Variants in MAP4K4 observed in about 807,000 individuals in gnomAD.
MAP4K4 encodes the protein mitogen-activated protein kinase kinase kinase kinase 4, also known as HPK/GCK-like kinase HGK.
MAP4K4 carries 38 observed loss-of-function variants against 189.6 expected under a neutral mutation model. The ratio of observed to expected loss-of-function variants is 0.20; its 90% confidence interval spans 0.15 to 0.26. The LOEUF (loss-of-function observed/expected upper bound fraction) is 0.26. Among genes scored for constraint, MAP4K4 ranks in the 10% least tolerant of loss-of-function variants. The pLI, the probability that MAP4K4 is intolerant of heterozygous loss-of-function variation, is 1.00. For missense variants in MAP4K4, 1,054 were observed against 1,726.9 expected (o/e 0.61, Z 6.91); for synonymous variants, 610 against 624.3 (o/e 0.98, Z 0.34).
Position 101,804,347 on chromosome 2 carries a change from A to C in MAP4K4, c.180+13571A>C, listed in dbSNP as rs570450366. On this transcript the variant is annotated intron_variant, in intron 3 of 32. Coordinates refer to ENST00000324219, the Ensembl canonical transcript of MAP4K4. Reference sequence around the variant, plus strand: ...TTTTAGGTGATGTTTAGAACTATGAAAATGATTTCATGGTGGGGTGAAAGA... The same window carrying C: ...TTTTAGGTGATGTTTAGAACTATGACAATGATTTCATGGTGGGGTGAAAGA... Among the ~76,000 whole-genome samples, 7 of 152,274 alleles carry C rather than the reference A, an allele frequency of 4.6e-5. No homozygotes were observed. The East Asian group carries it at 1.2e-3, about 25-fold the overall frequency.
At chr2:101,821,452 G>A (rs577278567) in intron 3 of MAP4K4, among the ~76,000 whole-genome samples, 21 of 152,256 alleles carry the variant, frequency 1.4e-4, no homozygotes, top group African/African-American at 5.1e-4. Flanking sequence ...TGTACAATAT[G>A]CTACTGTACT....
intron 3 of MAP4K4, among the ~76,000 whole-genome samples, chr2:101,803,378 A>G (rs2094580282): frequency 6.6e-6 from 1 of 152,250 alleles, no homozygotes; most frequent in East Asian, 1.9e-4. Context: ...TTAATTGTAT[A>G]GTGACATGCC....
At chr2:101,769,920 G>A (rs1454924157) in intron 2 of MAP4K4, among the ~76,000 whole-genome samples, 1 of 152,112 alleles carries the variant, frequency 6.6e-6, no homozygotes, top group Admixed American at 6.5e-5. Context: ...CCATTTGTTG[G>A]GGATTATGTA....
intron 2 of MAP4K4, among the ~76,000 whole-genome samples, chr2:101,717,637 C>G (rs1248884955): frequency 6.6e-6 from 1 of 152,176 alleles, no homozygotes. Flanking sequence ...GCACATGGGA[C>G]TGTCTGTGGT....
At chr2:101,782,440 T>A (rs565935846) in intron 2 of MAP4K4, among the ~76,000 whole-genome samples, 1 of 152,350 alleles carries the variant, frequency 6.6e-6, no homozygotes, top group African/African-American at 2.4e-5. Context: ...AGCACTGTCT[T>A]ATTAATTGGA....
At chr2:101,782,209 C>T (rs904073353) in intron 2 of MAP4K4, among the ~76,000 whole-genome samples, 4 of 152,302 alleles carry the variant, frequency 2.6e-5, no homozygotes, top group African/African-American at 7.2e-5. Flanking sequence ...TATCTGCTAA[C>T]GCAGCTATGC....
intron 2 of MAP4K4, 145 bp from the exon 3 acceptor site, chr2:101,790,575 G>A: frequency 1.5e-6 from 1 of 650,128 alleles, no homozygotes. Flanking sequence ...GTATTGGAGA[G>A]CACAGGACTA....
At position 101,859,632 on chromosome 2, in the gene MAP4K4, C is replaced by T. The variant is rs749788246; in HGVS notation, c.1483-11C>T. 2 of 1,586,370 alleles carry T rather than the reference C, an allele frequency of 1.3e-6. No homozygotes were observed. Among genetic ancestry groups the T allele is most frequent in the Non-Finnish European group, 1.7e-6 (2 of 1,163,296 alleles). On this transcript the variant is annotated splice_polypyrimidine_tract_variant and intron_variant, in intron 14 of 32. Coordinates refer to ENST00000324219, the Ensembl canonical transcript of MAP4K4. ...TCCCATAGATTTAGTGTTATCCTCT[C>T]CCTCTCCAAGGAGTGCCGATGGCGG...
intron 2 of MAP4K4, among the ~76,000 whole-genome samples, chr2:101,719,009 C>T (rs1409365755): frequency 6.6e-6 from 1 of 152,116 alleles, no homozygotes; most frequent in African/African-American, 2.4e-5. Flanking sequence ...ACATTCAAAT[C>T]AATGATTTTG....
exon 15 of MAP4K4, chr2:101,859,676 C>A (rs1159749928): frequency 6.2e-7 from 1 of 1,611,478 alleles, no homozygotes; most frequent in Non-Finnish European, 8.5e-7. Flanking sequence ...GGAGCACCGG[C>A]AGGCAGAGAG....
chr2:101,740,151 C>CTTTT (rs71250687), intron 2 of MAP4K4, among the ~76,000 whole-genome samples: 1,622 of 87,156 alleles, frequency 0.019, 307 homozygotes, highest in African/African-American at 0.083. Context: ...TTTATATCAT[C>CTTTT]TTTTTTTTTT....
rs553551233 is a variant in MAP4K4, at chr2:101,867,806, G to T, written c.2455-223G>T. 1,180 of 518,380 alleles carry T rather than the reference G, an allele frequency of 2.3e-3. 4 individuals are homozygous for T. Among genetic ancestry groups the T allele is most frequent in the Non-Finnish European group, 3.0e-3 (864 of 292,794 alleles). 32.1% of individuals were successfully genotyped at this position (518,380 alleles called of 1,614,324 possible). A position where few individuals can be genotyped will look rare whatever the true frequency, so the allele number is the denominator to read the frequency against. ...CTGCTTTTTGGTACCTGGGGTGATA[G>T]TTGTGACTGCTTCTCACCCTTCTCT... On this transcript the variant is annotated intron_variant, in intron 20 of 32. Coordinates refer to ENST00000324219, the Ensembl canonical transcript of MAP4K4.
chr2:101,736,391 T>C (rs2060281022), intron 2 of MAP4K4, among the ~76,000 whole-genome samples: 1 of 152,212 alleles, frequency 6.6e-6, no homozygotes, highest in Admixed American at 6.5e-5. Flanking sequence ...CAGGCACTTC[T>C]GTATGCCTCT....
chr2:101,740,176 C>T (rs1240617996), intron 2 of MAP4K4, among the ~76,000 whole-genome samples: 1 of 56,048 alleles, frequency 1.8e-5, no homozygotes, highest in Non-Finnish European at 2.5e-5. Context: ...TTTTTTGAGA[C>T]GGAGTCTCGC....
At chr2:101,811,374 A>AAAAAAAG (rs1478660913) in intron 3 of MAP4K4, among the ~76,000 whole-genome samples, 2 of 146,134 alleles carry the variant, frequency 1.4e-5, no homozygotes, top group Non-Finnish European at 3.0e-5. Context: ...GCGTCTCAAA[A>AAAAAAAG]AAAAAAAAAA....
chr2:101,822,394 A>G (rs1026473544), intron 3 of MAP4K4, among the ~76,000 whole-genome samples: 3 of 152,230 alleles, frequency 2.0e-5, no homozygotes, highest in Non-Finnish European at 4.4e-5. Flanking sequence ...TGACTGTAGT[A>G]TAATACTCCA....
intron 7 of MAP4K4, among the ~76,000 whole-genome samples, chr2:101,833,692 A>G (rs1344679353): frequency 6.6e-6 from 1 of 152,152 alleles, no homozygotes; most frequent in Non-Finnish European, 1.5e-5. Flanking sequence ...AGTACCCGCC[A>G]TTACAAAAGT....
chr2:101,737,305 G>A (rs1365167416), intron 2 of MAP4K4, among the ~76,000 whole-genome samples: 1 of 151,478 alleles, frequency 6.6e-6, no homozygotes, highest in African/African-American at 2.4e-5. Context: ...TTTTGGTGAT[G>A]AGGCTTGTGC....
At chr2:101,739,875 A>G (rs1454869713) in intron 2 of MAP4K4, among the ~76,000 whole-genome samples, 1 of 152,178 alleles carries the variant, frequency 6.6e-6, no homozygotes, top group Admixed American at 6.5e-5. Flanking sequence ...AATGAGACGG[A>G]CTTTATAAAT....
Sources: allele counts gnomAD v4.1 joint callset (sites outside exome capture counted in the v4.1 genomes callset), GRCh38; gene constraint gnomAD v4.1.1; transcripts MANE v1.5; gene names NCBI Gene and HGNC (gene_info 2026-07-23, HGNC 2026-07-21).